DDX11: variants seen among roughly 807,000 people sequenced by gnomAD.
The protein encoded by DDX11 is DEAD/H-box helicase 11.
In DDX11, 72 loss-of-function variants were observed where a neutral mutation model predicts 125.2. That is an observed-to-expected ratio of 0.58 (90% CI 0.48 to 0.70). The LOEUF is 0.70. DDX11 is among the 30% of genes least tolerant of loss of function. The pLI is 0.00. For missense variants in DDX11, 883 were observed against 1,165.0 expected (o/e 0.76, Z 3.52); for synonymous variants, 347 against 452.6 (o/e 0.77, Z 2.96).
At chr12:31,088,018 G>T (rs377204302) in intron 6 of DDX11, 35 bp downstream of exon 6, 190 of 1,607,300 alleles carry the variant, frequency 1.2e-4, no homozygotes, top group Non-Finnish European at 1.5e-4. Context: ...GCTGTGCTGG[G>T]GGTATAGGCT....
intron 12 of DDX11, 94 bp from the exon 13 acceptor site, chr12:31,094,496 C>G: frequency 6.6e-7 from 1 of 1,525,374 alleles, no homozygotes; most frequent in South Asian, 1.2e-5. Context: ...AGATGCTCTT[C>G]TTACTTGATG....
chr12:31,084,696 A>T (rs767361445), intron 4 of DDX11, 27 bp downstream of exon 4: 49 of 1,564,242 alleles, frequency 3.1e-5, no homozygotes, highest in Non-Finnish European at 4.0e-5. Context: ...GGGGGGCAGG[A>T]TTATGTCCAG....
At chr12:31,091,947 G>A (rs1277382160) in intron 10 of DDX11, 76 bp downstream of exon 10, 3 of 1,598,520 alleles carry the variant, frequency 1.9e-6, no homozygotes, top group African/African-American at 1.3e-5. Context: ...CAGACACCTG[G>A]GCCAAGAGTT....
chr12:31,082,539 C>A (rs1469057133), intron 2 of DDX11, among the ~76,000 whole-genome samples: 2 of 152,052 alleles, frequency 1.3e-5, no homozygotes, highest in South Asian at 4.2e-4. Flanking sequence ...TGTTTCACCC[C>A]GCCCTGGATA....
intron 19 of DDX11, 144 bp downstream of exon 19, chr12:31,100,851 G>C: frequency 9.1e-7 from 1 of 1,093,478 alleles, no homozygotes; most frequent in Non-Finnish European, 1.4e-6. Flanking sequence ...GCTCGCCCAG[G>C]CTCTCCTGCT....
chr12:31,095,229 C>T (rs557228593), intron 14 of DDX11, among the ~76,000 whole-genome samples: 153 of 152,148 alleles, frequency 1.0e-3, no homozygotes, highest in African/African-American at 3.4e-3. Context: ...GTGTACCCAG[C>T]GCTCCCCAGA....
At chr12:31,088,045 G>A (rs1943482786) in intron 6 of DDX11, 62 bp downstream of exon 6, 9 of 1,599,124 alleles carry the variant, frequency 5.6e-6, no homozygotes, top group Middle Eastern at 1.7e-4. Context: ...TGCACCCCTG[G>A]GGAGGAGGCT....
chr12:31,084,580 T>C lies in DDX11; in HGVS notation c.394-3T>C. The C allele has an allele frequency of 1.3e-6, 2 of 1,593,184 alleles. No homozygotes were observed. The highest frequency in any genetic ancestry group is 1.7e-6 in the Non-Finnish European group (2 of 1,167,838). ...GATTTTCCTTCATGTCTGCCTCCTG[T>C]AGGCGGAGCAGGCCAGGAGGAAGCA... On this transcript the variant is annotated splice_polypyrimidine_tract_variant and splice_region_variant and intron_variant, in intron 3 of 26. Transcript: ENST00000542838.
intron 1 of DDX11, among the ~76,000 whole-genome samples, chr12:31,075,962 G>A (rs1289317355): frequency 2.6e-5 from 4 of 152,100 alleles, no homozygotes; most frequent in East Asian, 3.9e-4. Flanking sequence ...CCAGACAGCC[G>A]GAGAGGCTTC....
chr12:31,094,893 T>A, intron 14 of DDX11, 71 bp downstream of exon 14: 2 of 1,549,814 alleles, frequency 1.3e-6, no homozygotes, highest in Admixed American at 3.3e-5. Context: ...TAAAGTACTA[T>A]GTTAAGACTG....
intron 2 of DDX11, among the ~76,000 whole-genome samples, chr12:31,082,323 G>C (rs1240390223): frequency 6.6e-6 from 1 of 151,678 alleles, no homozygotes; most frequent in Non-Finnish European, 1.5e-5. Flanking sequence ...TTTTGTGTGT[G>C]TTAATGTCCT....
chr12:31,094,819 C>G lies in DDX11; in HGVS notation c.1479C>G (p.Phe493Leu), dbSNP rs139754333. Reference sequence around the variant, plus strand: ...GCCAGATCGACAACATCAACCTGTTCAAGGTAGAGGTTTCCACCTTTCCAC... The same window carrying G: ...GCCAGATCGACAACATCAACCTGTTGAAGGTAGAGGTTTCCACCTTTCCAC... ...FQSQIDNINL[F>L]KVQRYCEKSM... Residue 493 changes from phenylalanine (F) to leucine (L), a missense_variant, in exon 14 of 27, where the codon TTC becomes TTG. Phe to Leu is a conservative substitution (Grantham distance 22, BLOSUM62 0). This residue lies in a region of DDX11 where 241 missense variants were observed against 279.7 expected (regional missense o/e 0.86). Transcript: ENST00000542838. 6 of 1,612,100 alleles carry G rather than the reference C, an allele frequency of 3.7e-6. No individual in the cohort carries two copies. The highest frequency in any genetic ancestry group is 5.1e-6 in the Non-Finnish European group (6 of 1,178,242).
intron 3 of DDX11, among the ~76,000 whole-genome samples, 154 bp downstream of exon 3, chr12:31,084,215 C>G (rs1417981685): frequency 6.6e-6 from 1 of 152,164 alleles, no homozygotes; most frequent in Non-Finnish European, 1.5e-5. Flanking sequence ...ATGGTGCTGC[C>G]GCTGTGCTGT....
chr12:31,094,414 A>G, intron 12 of DDX11, 176 bp from the exon 13 acceptor site: 2 of 1,164,256 alleles, frequency 1.7e-6, no homozygotes, highest in Non-Finnish European at 2.5e-6. Flanking sequence ...AGGCTCCTGG[A>G]CCCACCTGCC....
At chr12:31,098,407 C>G (rs1945714561) in intron 18 of DDX11, among the ~76,000 whole-genome samples, 1 of 151,320 alleles carries the variant, frequency 6.6e-6, no homozygotes, top group African/African-American at 2.4e-5. Context: ...TGTGCTGTCA[C>G]TGGAACTTGC....
chr12:31,104,142 C>T lies in DDX11; in HGVS notation c.*306C>T, dbSNP rs572340243. 2.2e-5 allele frequency: 32 copies of T among 1,464,036 alleles called. 1 individual carries two copies. The highest frequency in any genetic ancestry group is 2.5e-4 in the Middle Eastern group (1 of 3,964). 90.7% of individuals were successfully genotyped at this position (1,464,036 alleles called of 1,614,324 possible). ...AGAGCCAGGCTTCCTTCCTGGTCTCCGCAGGAGGCTGTGGCAGCTGTGGCA... is the reference window on the plus strand; with the variant it reads ...AGAGCCAGGCTTCCTTCCTGGTCTCTGCAGGAGGCTGTGGCAGCTGTGGCA... On this transcript the variant is annotated 3_prime_UTR_variant, in exon 27 of 27. Coordinates refer to ENST00000542838, the MANE Select transcript of DDX11 (RefSeq NM_030653.4).
In DDX11 at chr12:31,091,849, G is replaced by C; in HGVS notation, c.1220G>C (p.Ser407Thr). 1 of 1,613,934 alleles carries C rather than the reference G, an allele frequency of 6.2e-7. No homozygotes were observed. Among genetic ancestry groups the C allele is most frequent in the Non-Finnish European group, 8.5e-7 (1 of 1,179,864 alleles). ...NLIDTITGMHSVEVSGSQLCQ... is the reference protein window; with the variant it reads ...NLIDTITGMHTVEVSGSQLCQ... ...ATCGACACCATCACGGGCATGCACAGCGTGGAGGTCAGCGGCTCCCAGGTG... is the reference window on the plus strand; with the variant it reads ...ATCGACACCATCACGGGCATGCACACCGTGGAGGTCAGCGGCTCCCAGGTG... Residue 407 changes from serine to threonine, a missense_variant, in exon 10 of 27, where the codon AGC (serine) becomes ACC (threonine). Physicochemically the swap from Ser to Thr is moderately conservative, Grantham distance 58. Transcript: ENST00000542838.
chr12:31,084,476 A>G lies in DDX11; in HGVS notation c.394-107A>G. On this transcript the variant is annotated intron_variant, in intron 3 of 26. Transcript: ENST00000542838. ...GCCCTTGAGTGCTGGCCGGGGAAGG[A>G]GAGATGCCCCCAGTGAGGAGGCGCC... is the stretch of plus-strand genomic sequence containing the variant. The G allele has an allele frequency of 4.0e-6, 4 of 993,982 alleles. No homozygotes were observed. In the Admixed American group the frequency reaches 7.9e-5, roughly 20 times the overall value. 61.6% of individuals were successfully genotyped at this position (993,982 alleles called of 1,614,324 possible).
Position 31,083,850 on chromosome 12 carries a change from G to C in DDX11, c.182G>C (p.Trp61Ser), listed in dbSNP as rs753420864. 1.2e-6 allele frequency: 2 copies of C among 1,612,238 alleles called. No individual in the cohort carries two copies. The highest frequency in any genetic ancestry group is 3.3e-5 in the Admixed American group (2 of 60,002). The change falls in exon 3 of 27, where the codon TGG becomes TCG. Residue 61 changes from tryptophan to serine, a missense_variant. Around this residue, in one of 5 missense-constraint regions of DDX11, gnomAD observed 283 missense variants for 359.6 expected, o/e 0.79. Transcript: ENST00000542838. ...SLSLICGALSWLRDFEQKKRE... is the reference protein window; with the variant it reads ...SLSLICGALSSLRDFEQKKRE... Reference sequence around the variant, plus strand: ...AGTCTTATTTGTGGGGCCCTCTCTTGGCTCCGTGACTTTGAACAGAAGAAG... The same window carrying C: ...AGTCTTATTTGTGGGGCCCTCTCTTCGCTCCGTGACTTTGAACAGAAGAAG...
Sources: gnomAD v4.1 joint callset for allele counts (sites outside exome capture counted in the v4.1 genomes callset) on GRCh38, gnomAD v4.1.1 for gene constraint, gnomAD v4.1.1 regional missense constraint, MANE v1.5 for transcripts, NCBI Gene and HGNC (gene_info 2026-07-23, HGNC 2026-07-21) for gene names.